The following DENND4C variants were observed in gnomAD, a reference collection of about 807,000 sequenced individuals.
The protein encoded by DENND4C is DENN domain containing 4C.
DENND4C carries 108 observed loss-of-function variants against 203.0 expected under a neutral mutation model. The ratio of observed to expected loss-of-function variants is 0.53; its 90% CI spans 0.46 to 0.62. The LOEUF (loss-of-function observed/expected upper bound fraction) is 0.62. Ranked by LOEUF, DENND4C falls within the 20% of genes least tolerant of loss-of-function variation. DENND4C has a pLI of 0.00. For missense variants in DENND4C, 2,481 were observed against 2,301.2 expected, an observed-to-expected ratio of 1.08 and a Z score of -1.60; for synonymous variants, 871 against 792.4, an observed-to-expected ratio of 1.10 and a Z score of -1.67.
At chr9:19,272,044 A>G (rs974102474) in intron 1 of DENND4C, among the ~76,000 whole-genome samples, 2 of 152,172 alleles carry the variant, frequency 1.3e-5, no homozygotes, top group Non-Finnish European at 2.9e-5. Context: ...TTGGATGCAC[A>G]TGTTGAGCAA....
At chr9:19,313,683 A>G (rs1841188037) in intron 10 of DENND4C, among the ~76,000 whole-genome samples, 1 of 152,214 alleles carries the variant, frequency 6.6e-6, no homozygotes, top group Non-Finnish European at 1.5e-5. Flanking sequence ...CTCTTTTATT[A>G]GACGTTTATC....
At chr9:19,254,297 G>A (rs573406469) in intron 1 of DENND4C, among the ~76,000 whole-genome samples, 1 of 152,192 alleles carries the variant, frequency 6.6e-6, no homozygotes, top group Non-Finnish European at 1.5e-5. Flanking sequence ...CATGTTAATT[G>A]TAGCATTATT....
chr9:19,338,664 A>G (rs1369706698), intron 20 of DENND4C, among the ~76,000 whole-genome samples: 1 of 152,182 alleles, frequency 6.6e-6, no homozygotes, highest in Non-Finnish European at 1.5e-5. Context: ...GTACAGAGTC[A>G]CTTAGCTGTT....
intron 12 of DENND4C, among the ~76,000 whole-genome samples, chr9:19,320,877 A>G (rs2131619213): frequency 6.6e-6 from 1 of 152,334 alleles, no homozygotes; most frequent in South Asian, 2.1e-4. Flanking sequence ...CTTTCATTAT[A>G]ACTTGTGGAG....
chr9:19,360,150 A>C (rs1361139849), intron 28 of DENND4C, 94 bp from the exon 29 acceptor site: 1 of 1,297,094 alleles, frequency 7.7e-7, no homozygotes, highest in African/African-American at 1.5e-5. Flanking sequence ...TAACTGATTT[A>C]AAAAGGATAG....
At chr9:19,360,919 G>T (rs1004366691) in intron 29 of DENND4C, among the ~76,000 whole-genome samples, 1 of 152,174 alleles carries the variant, frequency 6.6e-6, no homozygotes, top group Non-Finnish European at 1.5e-5. Flanking sequence ...TGTTGCCCAG[G>T]CTGGAGTGCA....
intron 9 of DENND4C, among the ~76,000 whole-genome samples, chr9:19,301,502 T>C (rs1452569638): frequency 1.3e-5 from 2 of 152,240 alleles, no homozygotes; most frequent in African/African-American, 4.8e-5. Context: ...CTGTTAGGAC[T>C]GAAAACAATA....
At chr9:19,273,986 T>G (rs1832317635) in intron 1 of DENND4C, among the ~76,000 whole-genome samples, 1 of 152,044 alleles carries the variant, frequency 6.6e-6, no homozygotes, top group Admixed American at 6.5e-5. Context: ...TGTGATAGTT[T>G]CACACGGGAA....
chr9:19,343,270 A>G (rs1822070445), intron 22 of DENND4C, among the ~76,000 whole-genome samples: 1 of 152,148 alleles, frequency 6.6e-6, no homozygotes, highest in South Asian at 2.1e-4. Flanking sequence ...TTTATTTGTG[A>G]TTAAGTGTTT....
chr9:19,250,805 A>C (rs1339224345), intron 1 of DENND4C, among the ~76,000 whole-genome samples: 3 of 152,210 alleles, frequency 2.0e-5, no homozygotes, highest in Non-Finnish European at 2.9e-5. Context: ...TCCATGTCTC[A>C]CGTCCAGGTC....
intron 4 of DENND4C, among the ~76,000 whole-genome samples, chr9:19,289,674 C>A (rs188616209): frequency 0.021 from 3,263 of 151,864 alleles, 125 homozygotes; most frequent in African/African-American, 0.074. Flanking sequence ...ACTAAAAATA[C>A]AAAAATTAGC....
In DENND4C at chr9:19,352,552, T is replaced by G. The variant is rs1824399079; in HGVS notation, c.4668T>G (p.Ile1556Met). ...GAGCTTTAGTTTATGATGAAGAAATTATGGCTGGATGGACAGCAGATGACT... is the reference window on the plus strand; with the variant it reads ...GAGCTTTAGTTTATGATGAAGAAATGATGGCTGGATGGACAGCAGATGACT... ...ACGALVYDEE[I>M]MAGWTADDSN... The change falls in exon 26 of 33, where the codon ATT (isoleucine) becomes ATG (methionine). Residue 1556 changes from isoleucine (I) to methionine (M), a missense_variant. Transcript: ENST00000434457. The G allele has an allele frequency of 1.9e-6, 3 of 1,613,786 alleles. No homozygotes were observed. Among genetic ancestry groups the G allele is most frequent in the Non-Finnish European group, 2.5e-6 (3 of 1,179,810 alleles).
At chr9:19,363,171 C>T (rs760858107) in intron 30 of DENND4C, among the ~76,000 whole-genome samples, 8 of 152,300 alleles carry the variant, frequency 5.3e-5, no homozygotes, top group Non-Finnish European at 1.2e-4. Context: ...TGCACATGCA[C>T]ACATTCCTGG....
chr9:19,272,636 G>A (rs1367354435), intron 1 of DENND4C, among the ~76,000 whole-genome samples: 3 of 151,994 alleles, frequency 2.0e-5, no homozygotes, highest in African/African-American at 4.8e-5. Context: ...TATACCTCAC[G>A]CCATATGCAA....
At chr9:19,331,947 T>G (rs1311662898) in intron 16 of DENND4C, 31 bp from the exon 17 acceptor site, 1 of 1,563,970 alleles carries the variant, frequency 6.4e-7, no homozygotes, top group Non-Finnish European at 8.7e-7. Flanking sequence ...TGAATTTTAG[T>G]AAATATCATA....
intron 1 of DENND4C, among the ~76,000 whole-genome samples, chr9:19,268,792 A>T (rs114381369): frequency 0.021 from 3,177 of 152,124 alleles, 120 homozygotes; most frequent in African/African-American, 0.072. Context: ...TTCTACTGAG[A>T]AGTGTGCTGC....
intron 30 of DENND4C, among the ~76,000 whole-genome samples, chr9:19,367,272 A>G (rs910052313): frequency 6.6e-6 from 1 of 152,238 alleles, no homozygotes; most frequent in Non-Finnish European, 1.5e-5. Flanking sequence ...CCTTTGGAAA[A>G]CAGTTTCACA....
At chr9:19,309,390 C>T (rs370797243) in intron 10 of DENND4C, among the ~76,000 whole-genome samples, 3 of 151,082 alleles carry the variant, frequency 2.0e-5, no homozygotes, top group African/African-American at 4.9e-5. Context: ...TCATTGCACT[C>T]CAGCCTGGGC....
chr9:19,293,656 C>G (rs372861732), intron 5 of DENND4C, among the ~76,000 whole-genome samples: 1 of 152,048 alleles, frequency 6.6e-6, no homozygotes, highest in South Asian at 2.1e-4. Flanking sequence ...AGAGGAAGTA[C>G]CAAGGCTAAA....
Sources: gnomAD v4.1 joint callset for allele counts (sites outside exome capture counted in the v4.1 genomes callset) on GRCh38, gnomAD v4.1.1 for gene constraint, MANE v1.5 for transcripts, NCBI Gene and HGNC (gene_info 2026-07-23, HGNC 2026-07-21) for gene names.